Variants in FRMD6 observed in about 807,000 individuals in gnomAD.
FRMD6 encodes the protein FERM domain containing 6.
In FRMD6, 37 loss-of-function variants were observed where a neutral mutation model predicts 73.2. The observed-to-expected ratio is 0.51, with a 90% CI of 0.39 to 0.66. The LOEUF (loss-of-function observed/expected upper bound fraction) is 0.66, where lower values mean the gene tolerates loss of function less well. FRMD6 is among the 30% of genes least tolerant of loss of function. The probability of loss-of-function intolerance (pLI) is 0.00; values close to 1 mark genes in which losing one functional copy is unlikely to be tolerated. For synonymous variants in FRMD6, 273 were observed against 282.2 expected (o/e 0.97, Z 0.33); for missense variants, 714 against 780.5 (o/e 0.91, Z 1.02).
At chr14:51,655,323 G>A (rs1431105621) in intron 1 of FRMD6, among the ~76,000 whole-genome samples, 1 of 152,146 alleles carries the variant, frequency 6.6e-6, no homozygotes, top group Non-Finnish European at 1.5e-5. Context: ...ACACATTTTG[G>A]GAGTGTGTTT....
At chr14:51,544,008 C>G (rs968323441) in intron 1 of FRMD6, among the ~76,000 whole-genome samples, 1 of 151,902 alleles carries the variant, frequency 6.6e-6, no homozygotes, top group Non-Finnish European at 1.5e-5. Context: ...AAGTTTCAAA[C>G]ATATAAAAAA....
chr14:51,713,191 T>C (rs1479249559), intron 9 of FRMD6, among the ~76,000 whole-genome samples: 1 of 152,150 alleles, frequency 6.6e-6, no homozygotes, highest in East Asian at 1.9e-4. Context: ...GCACAGTGGC[T>C]CACTCCTATA....
the FRMD6 span, among the ~76,000 whole-genome samples, chr14:51,404,901 T>C: frequency 2.0e-5 from 3 of 152,170 alleles, no homozygotes; most frequent in Non-Finnish European, 1.5e-5. Context: ...CCATTAGTTA[T>C]TTTTTCTGCT....
intron 2 of FRMD6, among the ~76,000 whole-genome samples, chr14:51,697,277 T>G (rs1005585149): frequency 1.3e-5 from 2 of 152,144 alleles, no homozygotes. Context: ...TGTGCACCAG[T>G]GGATAAATGG....
the FRMD6 span, among the ~76,000 whole-genome samples, chr14:51,459,510 A>T: frequency 1.3e-5 from 2 of 151,576 alleles, no homozygotes; most frequent in East Asian, 3.9e-4. Context: ...CCCAAGCAAT[A>T]CTCTTTGCTT....
chr14:51,658,985 A>G (rs74664295), intron 1 of FRMD6, among the ~76,000 whole-genome samples: 106 of 152,340 alleles, frequency 7.0e-4, no homozygotes, highest in South Asian at 1.2e-3. Flanking sequence ...TTAACAAGTA[A>G]AAAATATGCT....
At chr14:51,597,497 A>T (rs1315924897) in intron 2 of FRMD6, among the ~76,000 whole-genome samples, 1 of 152,062 alleles carries the variant, frequency 6.6e-6, no homozygotes, top group East Asian at 1.9e-4. Flanking sequence ...TAAGATGGAG[A>T]CCTAGAGCCT....
chr14:51,726,418 C>A (rs1389017908), intron 13 of FRMD6, among the ~76,000 whole-genome samples: 2 of 152,134 alleles, frequency 1.3e-5, no homozygotes, highest in Non-Finnish European at 2.9e-5. Context: ...AGCACTTCCT[C>A]CCTCCTCCTG....
chr14:51,615,173 T>A (rs1211322372), intron 2 of FRMD6, among the ~76,000 whole-genome samples: 1 of 152,226 alleles, frequency 6.6e-6, no homozygotes, highest in African/African-American at 2.4e-5. Context: ...TTCTAGCTGC[T>A]CTGCAGAGGT....
chr14:51,695,694 T>C (rs1003135991), intron 2 of FRMD6, among the ~76,000 whole-genome samples: 3 of 152,158 alleles, frequency 2.0e-5, no homozygotes, highest in East Asian at 1.9e-4. Context: ...AGATCCTGAA[T>C]GTAAAATAAG....
chr14:51,468,117 C>T, the FRMD6 span, among the ~76,000 whole-genome samples: 1 of 152,060 alleles, frequency 6.6e-6, no homozygotes, highest in Non-Finnish European at 1.5e-5. Context: ...GGCGAAACCC[C>T]GTCTCCACCA....
chr14:51,714,539 ACTTT>A (rs1218994962), intron 9 of FRMD6: 1 of 152,210 alleles, frequency 6.6e-6, no homozygotes, highest in African/African-American at 2.4e-5. Flanking sequence ...ACTGTAAGAA[ACTTT>A]GTCAAAGCCT....
the FRMD6 span, among the ~76,000 whole-genome samples, chr14:51,427,202 G>A: frequency 6.6e-6 from 1 of 152,338 alleles, no homozygotes; most frequent in Non-Finnish European, 1.5e-5. Context: ...CAACTGTGGG[G>A]AAGTTCCCTA....
intron 8 of FRMD6, 99 bp from the exon 9 acceptor site, chr14:51,712,384 T>A: frequency 1.4e-6 from 1 of 717,612 alleles, no homozygotes; most frequent in Non-Finnish European, 2.5e-6. Flanking sequence ...TTTTTCAGAT[T>A]TTAATTACTG....
intron 1 of FRMD6, among the ~76,000 whole-genome samples, chr14:51,549,591 CTTTCTT>C (rs1260628990): frequency 4.3e-4 from 40 of 93,608 alleles, no homozygotes; most frequent in African/African-American, 8.3e-4. Flanking sequence ...CTTTTTTTTT[CTTTCTT>C]TTTTTTTTTT....
At chr14:51,539,369 A>G (rs2139360427) in intron 1 of FRMD6, among the ~76,000 whole-genome samples, 1 of 152,160 alleles carries the variant, frequency 6.6e-6, no homozygotes, top group African/African-American at 2.4e-5. Flanking sequence ...TTTGTGTTAT[A>G]TTTTGACCAA....
At chr14:51,525,356 C>A (rs553463570) in intron 1 of FRMD6, among the ~76,000 whole-genome samples, 1 of 152,164 alleles carries the variant, frequency 6.6e-6, no homozygotes, top group Admixed American at 6.5e-5. Context: ...GCAACCTCCC[C>A]CTCCCGGGTT....
At chr14:51,597,346 G>A (rs915379465) in intron 2 of FRMD6, among the ~76,000 whole-genome samples, 2 of 152,206 alleles carry the variant, frequency 1.3e-5, no homozygotes, top group African/African-American at 4.8e-5. Flanking sequence ...CTAGCTAAAG[G>A]CAATTAGGAG....
intron 2 of FRMD6, among the ~76,000 whole-genome samples, chr14:51,609,182 T>C (rs889794808): frequency 6.6e-6 from 1 of 152,168 alleles, no homozygotes. Context: ...GGAAACCTAG[T>C]TATGAATATC....
Sources: allele counts gnomAD v4.1 joint callset (sites outside exome capture counted in the v4.1 genomes callset), GRCh38; gene constraint gnomAD v4.1.1; transcripts MANE v1.5; gene names NCBI Gene and HGNC (gene_info 2026-07-23, HGNC 2026-07-21).